The following WDR72 variants were observed in gnomAD, a reference collection of about 807,000 sequenced individuals.
WDR72 encodes the protein WD repeat-containing protein 72.
WDR72 carries 120 observed loss-of-function variants against 124.2 expected under a neutral mutation model. That is an observed-to-expected ratio of 0.97 (90% CI 0.83 to 1.12). WDR72 has a LOEUF of 1.12. Ranked by LOEUF, WDR72 falls within the 50% of genes most tolerant of loss-of-function variation. The pLI, the probability that WDR72 is intolerant of heterozygous loss-of-function variation, is 0.00. For missense variants in WDR72, 1,387 were observed against 1,278.8 expected, an observed-to-expected ratio of 1.08 and a Z score of -1.29; for synonymous variants, 452 against 441.7, an observed-to-expected ratio of 1.02 and a Z score of -0.29.
chr15:53,604,952 C>T (rs1248978674), intron 17 of WDR72, among the ~76,000 whole-genome samples: 3 of 152,240 alleles, frequency 2.0e-5, no homozygotes, highest in Non-Finnish European at 4.4e-5. Context: ...GACCTAAAGA[C>T]AGAAATACCA....
chr15:53,641,394 C>T (rs750972622), intron 14 of WDR72, among the ~76,000 whole-genome samples: 3 of 151,736 alleles, frequency 2.0e-5, no homozygotes, highest in Non-Finnish European at 4.4e-5. Flanking sequence ...AATATGTAGA[C>T]AGAGAGATAA....
At chr15:53,614,521 G>A (rs916865956) in intron 15 of WDR72, among the ~76,000 whole-genome samples, 5 of 152,018 alleles carry the variant, frequency 3.3e-5, no homozygotes, top group Non-Finnish European at 7.4e-5. Flanking sequence ...GTCAACCAAC[G>A]TGTGACAACA....
At chr15:53,551,544 T>C (rs1310571678) in intron 18 of WDR72, among the ~76,000 whole-genome samples, 1 of 152,144 alleles carries the variant, frequency 6.6e-6, no homozygotes, top group Non-Finnish European at 1.5e-5. Flanking sequence ...GTAGATTTAT[T>C]ACCTGTCCAT....
At chr15:53,680,684 T>A (rs780330303) in intron 13 of WDR72, among the ~76,000 whole-genome samples, 1 of 152,202 alleles carries the variant, frequency 6.6e-6, no homozygotes, top group Non-Finnish European at 1.5e-5. Flanking sequence ...ATACAATTCA[T>A]TTACTAAATT....
At chr15:53,574,100 A>G (rs1644556185) in intron 18 of WDR72, among the ~76,000 whole-genome samples, 1 of 152,154 alleles carries the variant, frequency 6.6e-6, no homozygotes. Flanking sequence ...ATGACAGGGA[A>G]TCTTCTATTT....
rs1233223683 is a variant in WDR72, at chr15:53,548,910, T to C, written c.3149-25588A>G. On this transcript the variant is annotated intron_variant, in intron 18 of 19. Transcript: ENST00000360509. ...CATTTTTTTGTTCATCTTCTTTATA[T>C]CAACACAGAGAAGACTGGGAATGAA... Among the ~76,000 whole-genome samples, 99 of 151,892 alleles carry C rather than the reference T, an allele frequency of 6.5e-4. 1 individual carries two copies.
At chr15:53,665,485 A>G in intron 14 of WDR72, 87 bp downstream of exon 14, 2 of 1,442,442 alleles carry the variant, frequency 1.4e-6, no homozygotes, top group Non-Finnish European at 1.9e-6. Flanking sequence ...TCATGCTGAT[A>G]CTTAAGTGCC....
intron 1 of WDR72, chr15:53,756,875 A>G (rs1308850958): frequency 1.3e-5 from 2 of 152,230 alleles, no homozygotes; most frequent in Non-Finnish European, 2.9e-5. Context: ...TCACTGCACT[A>G]TGCTGGTTAG....
intron 13 of WDR72, among the ~76,000 whole-genome samples, chr15:53,668,866 C>T (rs1258639249): frequency 1.5e-5 from 2 of 134,970 alleles, no homozygotes; most frequent in African/African-American, 2.8e-5. Flanking sequence ...GATCATACCA[C>T]TGTATTATAG....
intron 14 of WDR72, among the ~76,000 whole-genome samples, chr15:53,629,065 A>G (rs1307143442): frequency 6.6e-6 from 1 of 152,114 alleles, no homozygotes; most frequent in East Asian, 1.9e-4. Context: ...CAGCTAGTTC[A>G]CTGATTAGAC....
At chr15:53,563,844 A>C (rs1319243348) in intron 18 of WDR72, among the ~76,000 whole-genome samples, 1 of 151,794 alleles carries the variant, frequency 6.6e-6, no homozygotes, top group Non-Finnish European at 1.5e-5. Flanking sequence ...GGAGCTCGTC[A>C]TCCATCATCC....
chr15:53,579,609 AAT>A (rs2011806029), intron 18 of WDR72, among the ~76,000 whole-genome samples: 1 of 152,070 alleles, frequency 6.6e-6, no homozygotes, highest in Non-Finnish European at 1.5e-5. Context: ...TCAGGTGTGA[AAT>A]ACTATCTCAC....
chr15:53,708,989 A>T (rs555695002), intron 9 of WDR72, among the ~76,000 whole-genome samples: 1 of 152,328 alleles, frequency 6.6e-6, no homozygotes, highest in Non-Finnish European at 1.5e-5. Flanking sequence ...CATTACAAAC[A>T]ATAACTGAGA....
intron 18 of WDR72, among the ~76,000 whole-genome samples, chr15:53,534,390 G>A (rs753005542): frequency 6.6e-5 from 10 of 152,050 alleles, no homozygotes; most frequent in Non-Finnish European, 1.3e-4. Flanking sequence ...GTCATGCGTT[G>A]CAAAAGATTA....
intron 14 of WDR72, among the ~76,000 whole-genome samples, chr15:53,630,610 CAT>C (rs1261802375): frequency 6.6e-6 from 1 of 152,042 alleles, no homozygotes; most frequent in Non-Finnish European, 1.5e-5. Context: ...AAACAAAACA[CAT>C]GATTATCCTA....
intron 14 of WDR72, among the ~76,000 whole-genome samples, chr15:53,646,586 C>T (rs1401022954): frequency 1.3e-5 from 2 of 152,040 alleles, no homozygotes; most frequent in East Asian, 1.9e-4. Context: ...GGTTAACAAA[C>T]AAGAGACAAA....
At chr15:53,527,340 A>G (rs1000559363) in intron 18 of WDR72, among the ~76,000 whole-genome samples, 4 of 151,988 alleles carry the variant, frequency 2.6e-5, no homozygotes, top group Non-Finnish European at 4.4e-5. Flanking sequence ...GAAAGATGGT[A>G]TTAGCTGTTA....
intron 14 of WDR72, among the ~76,000 whole-genome samples, chr15:53,651,434 C>T (rs1390654996): frequency 1.3e-5 from 2 of 152,128 alleles, no homozygotes; most frequent in Non-Finnish European, 2.9e-5. Flanking sequence ...GCCATGGGCA[C>T]CATGATCTTG....
chr15:53,637,195 G>T (rs1248475829), intron 14 of WDR72, among the ~76,000 whole-genome samples: 2 of 151,964 alleles, frequency 1.3e-5, no homozygotes, highest in African/African-American at 2.4e-5. Flanking sequence ...TTTTATTGCT[G>T]CATCTCTATT....
Sources: allele counts gnomAD v4.1 joint callset (sites outside exome capture counted in the v4.1 genomes callset), GRCh38; gene constraint gnomAD v4.1.1; transcripts MANE v1.5; gene names NCBI Gene and HGNC (gene_info 2026-07-23, HGNC 2026-07-21).